CAMTA1: variants seen among roughly 807,000 people sequenced by gnomAD.
CAMTA1 encodes calmodulin binding transcription activator 1.
A neutral mutation model predicts 170.9 loss-of-function variants in CAMTA1; 27 were observed. The ratio of observed to expected loss-of-function variants is 0.16; its 90% CI spans 0.12 to 0.22. The LOEUF is 0.22. Among genes scored for constraint, CAMTA1 ranks in the 10% least tolerant of loss-of-function variants. The pLI is 1.00. For synonymous variants in CAMTA1, 833 were observed against 891.5 expected (o/e 0.93, Z 1.17); for missense variants, 1,619 against 2,217.2 (o/e 0.73, Z 5.42).
At chr1:7,500,334 G>T (rs1425215116) in intron 6 of CAMTA1, among the ~76,000 whole-genome samples, 1 of 148,640 alleles carries the variant, frequency 6.7e-6, no homozygotes, top group Non-Finnish European at 1.5e-5. Context: ...GTGTAGAGAG[G>T]ATGGTGTGAG....
At chr1:7,558,113 A>G (rs773975239) in intron 6 of CAMTA1, among the ~76,000 whole-genome samples, 20 of 152,016 alleles carry the variant, frequency 1.3e-4, no homozygotes, top group Non-Finnish European at 1.3e-4. Context: ...CTGTGACCCA[A>G]ATCCCCTCCA....
intron 3 of CAMTA1, among the ~76,000 whole-genome samples, chr1:7,039,197 T>C (rs1239059402): frequency 2.6e-5 from 4 of 152,214 alleles, no homozygotes; most frequent in Non-Finnish European, 5.9e-5. Flanking sequence ...AATTACGCCA[T>C]TTAATATACT....
At chr1:7,448,457 C>T (rs1469490697) in intron 5 of CAMTA1, among the ~76,000 whole-genome samples, 1 of 152,204 alleles carries the variant, frequency 6.6e-6, no homozygotes, top group Non-Finnish European at 1.5e-5. Flanking sequence ...GCTCTCTGTG[C>T]TGTGTCCAAG....
At chr1:7,454,334 G>A (rs779886171) in intron 5 of CAMTA1, among the ~76,000 whole-genome samples, 10 of 152,312 alleles carry the variant, frequency 6.6e-5, no homozygotes, top group Non-Finnish European at 1.0e-4. Flanking sequence ...AGAGTGCCCC[G>A]TGTCTGGGGA....
intron 3 of CAMTA1, chr1:6,871,762 A>G: frequency 6.5e-7 from 1 of 1,535,082 alleles, no homozygotes; most frequent in Non-Finnish European, 8.7e-7. Context: ...TGCAGAGATC[A>G]TGATGCAGCC....
At chr1:6,827,895 A>G (rs923334547) in intron 3 of CAMTA1, among the ~76,000 whole-genome samples, 11 of 152,154 alleles carry the variant, frequency 7.2e-5, no homozygotes, top group African/African-American at 2.4e-4. Flanking sequence ...GTTGGCTTGT[A>G]TTTAGAAGCT....
chr1:7,291,244 A>C (rs1278489215), intron 5 of CAMTA1, among the ~76,000 whole-genome samples: 1 of 151,906 alleles, frequency 6.6e-6, no homozygotes, highest in Non-Finnish European at 1.5e-5. Context: ...GGGGTGCTGG[A>C]CTCTGGCAGG....
intron 6 of CAMTA1, among the ~76,000 whole-genome samples, chr1:7,548,102 A>G (rs994644062): frequency 6.6e-6 from 1 of 152,208 alleles, no homozygotes; most frequent in Non-Finnish European, 1.5e-5. Flanking sequence ...AGAGAGAAAT[A>G]AGAATTAACA....
At chr1:7,611,363 C>T (rs1343089893) in intron 6 of CAMTA1, among the ~76,000 whole-genome samples, 1 of 152,208 alleles carries the variant, frequency 6.6e-6, no homozygotes, top group Non-Finnish European at 1.5e-5. Flanking sequence ...ATTTTGTGGC[C>T]AAGACAAGTG....
intron 5 of CAMTA1, among the ~76,000 whole-genome samples, chr1:7,255,394 A>G (rs556823913): frequency 1.3e-5 from 2 of 152,100 alleles, no homozygotes; most frequent in Non-Finnish European, 2.9e-5. Flanking sequence ...CTCCAGCCTC[A>G]CTGTGCACCC....
At chr1:7,351,187 A>C (rs1265752998) in intron 5 of CAMTA1, among the ~76,000 whole-genome samples, 2 of 152,198 alleles carry the variant, frequency 1.3e-5, no homozygotes, top group Non-Finnish European at 2.9e-5. Flanking sequence ...TCTCAGGGAG[A>C]GCATCCATGG....
At chr1:7,529,720 C>A (rs570616913) in intron 6 of CAMTA1, among the ~76,000 whole-genome samples, 2 of 152,274 alleles carry the variant, frequency 1.3e-5, no homozygotes, top group South Asian at 4.2e-4. Flanking sequence ...AGACAAGGAA[C>A]CTTAACATCT....
intron 3 of CAMTA1, among the ~76,000 whole-genome samples, chr1:7,082,438 GAAAT>G (rs1640142121): frequency 1.1e-5 from 1 of 91,158 alleles, no homozygotes; most frequent in African/African-American, 4.5e-5. Context: ...ACTGCATCTC[GAAAT>G]AGATAGATAG....
In CAMTA1 at chr1:7,251,283, A is replaced by G. The variant is rs1666598431; in HGVS notation, c.438+1657A>G. Among the ~76,000 whole-genome samples, 1 of 152,156 alleles carries G rather than the reference A, an allele frequency of 6.6e-6. No homozygotes were observed. Among genetic ancestry groups the G allele is most frequent in the Non-Finnish European group, 1.5e-5 (1 of 68,022 alleles). On this transcript the variant is annotated intron_variant, in intron 5 of 22. Coordinates refer to ENST00000303635, the MANE Select transcript of CAMTA1 (RefSeq NM_015215.4). This position sits in a 1 kb window ranked among gnomAD's most constrained non-coding sequence, Gnocchi z 5.1. ...TGTTCGTTTTCTTTCCTCATGTTAT[A>G]AATTAGAGTTGTCACTGGATGGAAT...
intron 3 of CAMTA1, among the ~76,000 whole-genome samples, chr1:6,921,012 A>G (rs548268054): frequency 5.3e-5 from 8 of 152,346 alleles, no homozygotes; most frequent in African/African-American, 4.8e-5. Context: ...CTCGTTATTT[A>G]TGCAAATTTC....
At position 7,007,004 on chromosome 1, in the gene CAMTA1, TA is replaced by T. The variant is rs749633945; in HGVS notation, c.235-84282del. On this transcript the variant is annotated intron_variant, in intron 3 of 22. Transcript: ENST00000303635. This position sits in a 1 kb window ranked among gnomAD's most constrained non-coding sequence, Gnocchi z 4.5. ...TCTTAACAAGAATGTCAGATGGTAG[TA>T]AAAAAAAAAAAAAAAAATAAGAATT... is the stretch of plus-strand genomic sequence containing the variant. Among the ~76,000 whole-genome samples the T allele has an allele frequency of 0.013, 1,835 of 136,736 alleles. 18 individuals carry two copies. The highest frequency in any genetic ancestry group is 0.061 in the East Asian group (287 of 4,694). 89.7% of individuals were successfully genotyped at this position (136,736 alleles called of 152,430 possible).
In CAMTA1 at chr1:7,448,110, G is replaced by A. The variant is rs1479426288; in HGVS notation, c.439-19720G>A. The stretch of plus-strand genomic sequence containing the variant: ...ACGCATGTGTTTGCAGAGCAGAGAG[G>A]GAGTCTTGGTGCCCAAGCCCAGTCC... On this transcript the variant is annotated intron_variant, in intron 5 of 22. Coordinates refer to ENST00000303635, the MANE Select transcript of CAMTA1 (RefSeq NM_015215.4). 2.6e-5 allele frequency among the ~76,000 whole-genome samples: 4 copies of A among 152,188 alleles called. No homozygotes were observed. In the South Asian group the frequency reaches 6.2e-4, roughly 24 times the overall value.
chr1:6,928,496 A>G (rs1416932045), intron 3 of CAMTA1, among the ~76,000 whole-genome samples: 2 of 152,044 alleles, frequency 1.3e-5, no homozygotes, highest in Admixed American at 1.3e-4. Flanking sequence ...GCTCCCACAC[A>G]GCCCCTCCCC....
At chr1:7,355,295 G>A (rs938333969) in intron 5 of CAMTA1, among the ~76,000 whole-genome samples, 4 of 10,146 alleles carry the variant, frequency 3.9e-4, no homozygotes, top group Admixed American at 1.7e-3. Flanking sequence ...GAGGTGGGAA[G>A]ATGGCTTGGC....
Sources: gnomAD v4.1 joint callset for allele counts (sites outside exome capture counted in the v4.1 genomes callset) on GRCh38, gnomAD v4.1.1 for gene constraint, Gnocchi (gnomAD v3.1) non-coding constraint, MANE v1.5 for transcripts, NCBI Gene and HGNC (gene_info 2026-07-23, HGNC 2026-07-21) for gene names.